Variants in PARP8 observed in about 807,000 individuals in gnomAD.
PARP8 encodes protein mono-ADP-ribosyltransferase PARP8.
In PARP8, 51 loss-of-function variants were observed where a neutral mutation model predicts 124.1. The observed-to-expected ratio is 0.41, with a 90% CI of 0.33 to 0.52. PARP8 has a LOEUF of 0.52. Ranked by LOEUF, PARP8 falls within the 20% of genes least tolerant of loss-of-function variation. The pLI, the probability that PARP8 is intolerant of heterozygous loss-of-function variation, is 0.21. For missense variants in PARP8, 860 were observed against 1,018.9 expected (o/e 0.84, Z 2.12); for synonymous variants, 391 against 361.5 (o/e 1.08, Z -0.93).
In PARP8 at chr5:50,777,957, C is replaced by T. The variant is rs1308788761; in HGVS notation, c.519-112C>T. ...CCACAGTTAGATGTGAGCTATTTGT[C>T]AAAATCAAGGATGAGAATTAGTGAT... On this transcript the variant is annotated intron_variant, in intron 7 of 25. Transcript: ENST00000281631. 5.1e-6 allele frequency: 4 copies of T among 784,032 alleles called. No individual in the cohort carries two copies. In the African/African-American group the frequency reaches 5.4e-5, roughly 11 times the overall value. 48.6% of individuals were successfully genotyped at this position (784,032 alleles called of 1,614,324 possible).
intron 9 of PARP8, among the ~76,000 whole-genome samples, chr5:50,783,096 G>T (rs910693713): frequency 4.6e-5 from 7 of 151,910 alleles, no homozygotes; most frequent in African/African-American, 7.3e-5. Context: ...CCATGGAGAA[G>T]ATATGGCAAC....
At chr5:50,669,069 A>AC (rs1387778961) in intron 2 of PARP8, 2 of 152,242 alleles carry the variant, frequency 1.3e-5, no homozygotes, top group Non-Finnish European at 2.9e-5. Flanking sequence ...ATTGATGTGA[A>AC]CTTTTAAAAA....
chr5:50,667,073 C>T lies in PARP8; in HGVS notation c.-23C>T, dbSNP rs763934857. ...TGGGGTGGGGTGGAAATAGCGGCTGCTTCTTTTCCAGGGATTTATTTAATG... is the reference window on the plus strand; with the variant it reads ...TGGGGTGGGGTGGAAATAGCGGCTGTTTCTTTTCCAGGGATTTATTTAATG... On this transcript the variant is annotated 5_prime_UTR_variant, in exon 1 of 26. Transcript: ENST00000281631. 1 of 1,595,416 alleles carries T rather than the reference C, an allele frequency of 6.3e-7. No homozygotes were observed. The highest frequency in any genetic ancestry group is 8.5e-7 in the Non-Finnish European group (1 of 1,179,568).
At chr5:50,775,429 C>T (rs1739892598) in intron 7 of PARP8, among the ~76,000 whole-genome samples, 1 of 152,034 alleles carries the variant, frequency 6.6e-6, no homozygotes, top group Non-Finnish European at 1.5e-5. Flanking sequence ...GCGGCGCGTG[C>T]CTGTGATCCC....
At chr5:50,820,142 A>G (rs2149699166) in intron 15 of PARP8, among the ~76,000 whole-genome samples, 1 of 152,264 alleles carries the variant, frequency 6.6e-6, no homozygotes, top group South Asian at 2.1e-4. Context: ...TCTGGATGCT[A>G]TGATTGGGTG....
At position 50,713,821 on chromosome 5, in the gene PARP8, A is replaced by G. The variant is rs536143299; in HGVS notation, c.147-36330A>G. Among the ~76,000 whole-genome samples, 200 of 152,160 alleles carry G rather than the reference A, an allele frequency of 1.3e-3. 1 individual carries two copies. Among genetic ancestry groups the G allele is most frequent in the African/African-American group, 4.8e-3 (198 of 41,526 alleles). ...TGGGATGAAGGAAGCAGAGGGATAG[A>G]GTCAGAGATCTGAAGATGCTCTGCT... On this transcript the variant is annotated intron_variant, in intron 2 of 25. Coordinates refer to ENST00000281631, the MANE Select transcript of PARP8 (RefSeq NM_024615.4).
At chr5:50,737,653 T>C (rs2149528244) in intron 2 of PARP8, among the ~76,000 whole-genome samples, 1 of 152,336 alleles carries the variant, frequency 6.6e-6, no homozygotes, top group Non-Finnish European at 1.5e-5. Context: ...TAGTTCTTGT[T>C]TCATTGGATC....
chr5:50,841,198 A>G (rs1416878255), intron 25 of PARP8, among the ~76,000 whole-genome samples: 1 of 151,890 alleles, frequency 6.6e-6, no homozygotes, highest in African/African-American at 2.4e-5. Context: ...AAGTAAAATT[A>G]ATTTGTCACT....
intron 25 of PARP8, among the ~76,000 whole-genome samples, chr5:50,840,479 T>C (rs553886450): frequency 6.6e-6 from 1 of 151,868 alleles, no homozygotes; most frequent in East Asian, 1.9e-4. Context: ...AATTGAGATA[T>C]GGAGAGCATA....
At chr5:50,710,941 A>C (rs925650568) in intron 2 of PARP8, among the ~76,000 whole-genome samples, 3 of 152,064 alleles carry the variant, frequency 2.0e-5, no homozygotes, top group Non-Finnish European at 4.4e-5. Context: ...ATCCATATCT[A>C]TGTCTCTATC....
chr5:50,728,626 C>T (rs1420300383), intron 2 of PARP8, among the ~76,000 whole-genome samples: 1 of 151,880 alleles, frequency 6.6e-6, no homozygotes, highest in African/African-American at 2.4e-5. Context: ...ACTGCTCTCC[C>T]AGAATTCGTT....
chr5:50,707,922 A>G (rs956901208), intron 2 of PARP8, among the ~76,000 whole-genome samples: 4 of 152,098 alleles, frequency 2.6e-5, no homozygotes, highest in African/African-American at 9.7e-5. Context: ...TATCTTTCTT[A>G]CATTTCCTTA....
At chr5:50,687,149 C>T (rs1751960482) in intron 2 of PARP8, among the ~76,000 whole-genome samples, 1 of 152,192 alleles carries the variant, frequency 6.6e-6, no homozygotes, top group African/African-American at 2.4e-5. Flanking sequence ...TTAACAGTAC[C>T]CAGGTCACAT....
At chr5:50,750,055 C>G (rs1225107452) in intron 2 of PARP8, 96 bp from the exon 3 acceptor site, 2 of 938,462 alleles carry the variant, frequency 2.1e-6, no homozygotes, top group South Asian at 1.4e-5. Flanking sequence ...ATCTTTATAA[C>G]TGAATGGGTA....
At chr5:50,780,014 G>A (rs1740489242) in intron 9 of PARP8, among the ~76,000 whole-genome samples, 1 of 152,092 alleles carries the variant, frequency 6.6e-6, no homozygotes. Flanking sequence ...ATATAAATAT[G>A]TAATAAGAAA....
At chr5:50,800,341 T>A (rs919164615) in intron 14 of PARP8, among the ~76,000 whole-genome samples, 2 of 152,366 alleles carry the variant, frequency 1.3e-5, no homozygotes, top group Non-Finnish European at 2.9e-5. Context: ...TTTGGATTCT[T>A]TGTTTCTCTA....
At chr5:50,795,469 G>T in intron 12 of PARP8, 52 bp downstream of exon 12, 1 of 1,435,878 alleles carries the variant, frequency 7.0e-7, no homozygotes, top group Non-Finnish European at 9.3e-7. Context: ...AGGTGCAGTA[G>T]AATTTTTTTT....
At chr5:50,778,019 C>A in intron 7 of PARP8, 50 bp from the exon 8 acceptor site, 1 of 1,379,606 alleles carries the variant, frequency 7.2e-7, no homozygotes, top group Non-Finnish European at 1.0e-6. Flanking sequence ...CACACACCAT[C>A]TTTTAAGCAT....
intron 2 of PARP8, among the ~76,000 whole-genome samples, chr5:50,691,347 G>C (rs2149461032): frequency 6.6e-6 from 1 of 152,166 alleles, no homozygotes; most frequent in East Asian, 1.9e-4. Flanking sequence ...GGACTCCACT[G>C]AAGCAGCTTT....
Sources: allele counts gnomAD v4.1 joint callset (sites outside exome capture counted in the v4.1 genomes callset), GRCh38; gene constraint gnomAD v4.1.1; transcripts MANE v1.5; gene names NCBI Gene and HGNC (gene_info 2026-07-23, HGNC 2026-07-21).